NAALADL2: variants seen among roughly 807,000 people sequenced by gnomAD.
NAALADL2 encodes the protein inactive N-acetylated-alpha-linked acidic dipeptidase-like protein 2.
A neutral mutation model predicts 87.2 loss-of-function variants in NAALADL2; 76 were observed. The observed-to-expected ratio is 0.87, with a 90% CI of 0.72 to 1.05. NAALADL2 has a LOEUF of 1.05. NAALADL2 is among the 50% of genes least tolerant of loss of function. The pLI is 0.00. For synonymous variants in NAALADL2, 354 were observed against 331.0 expected (o/e 1.07, Z -0.75); for missense variants, 1,089 against 945.8 (o/e 1.15, Z -1.99).
In NAALADL2 at chr3:174,951,798, C is replaced by T. The variant is rs549622540; in HGVS notation, c.43+92348C>T. 5.3e-5 allele frequency among the ~76,000 whole-genome samples: 8 copies of T among 152,094 alleles called. No individual in the cohort carries two copies. The South Asian group carries it at 1.2e-3, about 24-fold the overall frequency. On this transcript the variant is annotated intron_variant, in intron 1 of 13. Transcript: ENST00000454872. The stretch of plus-strand genomic sequence containing the variant: ...TAAATGTTATTTTTCTATTATTACC[C>T]CCACTCTGTTCTTACTGCCATAATT...
chr3:174,944,581 G>A (rs1444579222), intron 1 of NAALADL2, among the ~76,000 whole-genome samples: 2 of 152,058 alleles, frequency 1.3e-5, no homozygotes, highest in African/African-American at 4.8e-5. Context: ...CTTTCCTAGG[G>A]GTATGAGGAT....
chr3:174,950,912 A>G (rs1209258139), intron 1 of NAALADL2, among the ~76,000 whole-genome samples: 2 of 152,076 alleles, frequency 1.3e-5, no homozygotes, highest in Admixed American at 6.6e-5. Flanking sequence ...CTCTTTATTC[A>G]TCTATGTATC....
chr3:174,951,842 C>CT (rs1462475568), intron 1 of NAALADL2, among the ~76,000 whole-genome samples: 2 of 152,128 alleles, frequency 1.3e-5, no homozygotes, highest in Admixed American at 1.3e-4. Context: ...CTTAAAACCA[C>CT]TAGTGATGTC....
intron 9 of NAALADL2, among the ~76,000 whole-genome samples, chr3:175,560,087 C>T (rs1447813207): frequency 6.6e-6 from 1 of 152,070 alleles, no homozygotes; most frequent in Non-Finnish European, 1.5e-5. Context: ...TTTGCAGGGA[C>T]ATTTTTTTAT....
intron 11 of NAALADL2, among the ~76,000 whole-genome samples, chr3:175,733,985 A>T (rs1472626768): frequency 6.6e-6 from 1 of 152,182 alleles, no homozygotes; most frequent in Non-Finnish European, 1.5e-5. Context: ...TTTGCAGGGT[A>T]TAGCCCCCCT....
intron 3 of NAALADL2, among the ~76,000 whole-genome samples, chr3:174,790,940 A>G (rs1199570472): frequency 6.6e-6 from 1 of 152,168 alleles, no homozygotes; most frequent in Non-Finnish European, 1.5e-5. Context: ...CGGAAGATAT[A>G]AAGTATACTT....
At chr3:175,160,636 G>C (rs1733061581) in intron 2 of NAALADL2, among the ~76,000 whole-genome samples, 1 of 151,886 alleles carries the variant, frequency 6.6e-6, no homozygotes, top group South Asian at 2.1e-4. Context: ...ACAGGCGTGA[G>C]CCACTGTGCC....
At chr3:174,901,937 T>C (rs963563274) in intron 1 of NAALADL2, among the ~76,000 whole-genome samples, 3 of 152,212 alleles carry the variant, frequency 2.0e-5, no homozygotes, top group African/African-American at 4.8e-5. Flanking sequence ...TTCTCTCAAA[T>C]GATCCTCTAT....
At chr3:174,788,704 GC>G in intron 3 of NAALADL2, among the ~76,000 whole-genome samples, 1 of 152,090 alleles carries the variant, frequency 6.6e-6, no homozygotes, top group Non-Finnish European at 1.5e-5. Flanking sequence ...ATACAAGTCA[GC>G]CCATAATAGG....
At chr3:174,710,573 A>T (rs1433445479) in intron 2 of NAALADL2, among the ~76,000 whole-genome samples, 1 of 151,770 alleles carries the variant, frequency 6.6e-6, no homozygotes, top group East Asian at 1.9e-4. Flanking sequence ...GCCTTTTAAA[A>T]TTTTTTTCTC....
intron 2 of NAALADL2, among the ~76,000 whole-genome samples, chr3:175,125,593 A>G (rs1301770867): frequency 1.3e-5 from 2 of 152,072 alleles, no homozygotes; most frequent in Non-Finnish European, 2.9e-5. Context: ...TGATATAAGA[A>G]TACTTTTACA....
At chr3:174,560,886 A>G (rs1713521245) in intron 2 of NAALADL2, among the ~76,000 whole-genome samples, 1 of 152,190 alleles carries the variant, frequency 6.6e-6, no homozygotes, top group African/African-American at 2.4e-5. Context: ...TCACTGAGAT[A>G]AAAGCTCTCA....
chr3:174,788,370 A>G (rs1717055501), intron 3 of NAALADL2, among the ~76,000 whole-genome samples: 1 of 152,222 alleles, frequency 6.6e-6, no homozygotes, highest in Non-Finnish European at 1.5e-5. Context: ...CTACTAGAAT[A>G]AAAGCACTAC....
rs530698662 is a variant in NAALADL2 at position 174,615,665 on chromosome 3, A to G, written c.-115+65028A>G. 2.0e-5 allele frequency among the ~76,000 whole-genome samples: 3 copies of G among 152,096 alleles called. No homozygotes were observed. In the South Asian group the frequency reaches 6.2e-4, roughly 32 times the overall value. ...CACCTGAAAGTGACCTTGGTATATG[A>G]TCTTTTTCTCTCGCTCTCCCTCTTT... On this transcript the variant is annotated intron_variant, in intron 2 of 3. Coordinates refer to the NAALADL2 transcript ENST00000434257.
At chr3:174,865,967 A>G (rs1489070805) in intron 1 of NAALADL2, among the ~76,000 whole-genome samples, 1 of 151,952 alleles carries the variant, frequency 6.6e-6, no homozygotes, top group Non-Finnish European at 1.5e-5. Context: ...GATTAAGACA[A>G]TGTAACAGTT....
At chr3:175,264,275 A>G (rs1751563568) in intron 4 of NAALADL2, among the ~76,000 whole-genome samples, 1 of 151,852 alleles carries the variant, frequency 6.6e-6, no homozygotes, top group South Asian at 2.1e-4. Context: ...ATTGATGACA[A>G]AAATACTCTC....
chr3:175,010,669 A>C (rs1176995400), intron 1 of NAALADL2, among the ~76,000 whole-genome samples: 1 of 152,196 alleles, frequency 6.6e-6, no homozygotes, highest in Non-Finnish European at 1.5e-5. Context: ...AATGTGAAAT[A>C]GTTTTGCTGA....
chr3:174,987,810 A>ATTTATATATATAT (rs1491236816), intron 1 of NAALADL2, among the ~76,000 whole-genome samples: 2 of 127,756 alleles, frequency 1.6e-5, no homozygotes, highest in African/African-American at 7.7e-5. Flanking sequence ...ATATATATAT[A>ATTTATATATATAT]ATTATATATA....
rs1308895383 is a variant in NAALADL2, at chr3:174,769,587, T to C, written c.-9+31841T>C. 2.0e-5 allele frequency among the ~76,000 whole-genome samples: 3 copies of C among 151,512 alleles called. No individual in the cohort carries two copies. In the East Asian group the frequency reaches 5.8e-4, roughly 29 times the overall value. On this transcript the variant is annotated intron_variant, in intron 3 of 3. Coordinates refer to the NAALADL2 transcript ENST00000434257. ...TTCTAAATTATTTTTATTTTTATTTTATTATACCTTTCATTTTTATATTTT... is the reference window on the plus strand; with the variant it reads ...TTCTAAATTATTTTTATTTTTATTTCATTATACCTTTCATTTTTATATTTT...
Sources: gnomAD v4.1 joint callset for allele counts (sites outside exome capture counted in the v4.1 genomes callset) on GRCh38, gnomAD v4.1.1 for gene constraint, MANE v1.5 for transcripts, NCBI Gene and HGNC (gene_info 2026-07-23, HGNC 2026-07-21) for gene names.